The following CSMD3 variants were observed in gnomAD, a reference collection of about 807,000 sequenced individuals.
The protein encoded by CSMD3 is CUB and Sushi multiple domains 3, also known as CUB and sushi domain-containing protein 3.
A neutral mutation model predicts 435.2 loss-of-function variants in CSMD3; 177 were observed. The observed-to-expected ratio is 0.41, with a 90% CI of 0.36 to 0.46. The LOEUF is 0.46. CSMD3 is among the 20% of genes least tolerant of loss of function. CSMD3 has a pLI of 0.34. For missense variants in CSMD3, 4,265 were observed against 4,504.6 expected (o/e 0.95, Z 1.52); for synonymous variants, 1,656 against 1,520.5 (o/e 1.09, Z -2.07).
At chr8:112,514,029 C>A (rs1416908016) in intron 28 of CSMD3, among the ~76,000 whole-genome samples, 1 of 151,858 alleles carries the variant, frequency 6.6e-6, no homozygotes, top group Non-Finnish European at 1.5e-5. Flanking sequence ...ATATAAGATT[C>A]TCTAAAATGA....
chr8:113,189,490 T>C (rs775601125), intron 3 of CSMD3, among the ~76,000 whole-genome samples: 22 of 151,796 alleles, frequency 1.4e-4, no homozygotes, highest in Non-Finnish European at 2.9e-4. Context: ...TGAATTTAAG[T>C]GAGAATTAAG....
intron 53 of CSMD3, 23 bp from the exon 54 acceptor site, chr8:112,296,029 AT>A (rs778150928): frequency 1.9e-6 from 3 of 1,565,848 alleles, no homozygotes; most frequent in Admixed American, 1.7e-5. Flanking sequence ...ATAAAGTAAT[AT>A]TTTTAATACT....
intron 10 of CSMD3, among the ~76,000 whole-genome samples, chr8:112,911,169 T>C (rs1336846264): frequency 2.0e-5 from 3 of 151,918 alleles, no homozygotes; most frequent in African/African-American, 4.8e-5. Flanking sequence ...ATTACTGAAC[T>C]AGTCTTCAAA....
chr8:112,335,744 T>TTTC (rs1272624581), intron 44 of CSMD3, among the ~76,000 whole-genome samples: 86 of 151,856 alleles, frequency 5.7e-4, no homozygotes, highest in African/African-American at 2.0e-3. Flanking sequence ...TTTGTTTTTT[T>TTTC]TTTTTTTTAC....
intron 10 of CSMD3, among the ~76,000 whole-genome samples, chr8:112,860,341 T>C (rs2080791657): frequency 6.6e-6 from 1 of 152,002 alleles, no homozygotes; most frequent in East Asian, 1.9e-4. Flanking sequence ...ACAGTACTTT[T>C]AATTATCTTG....
intron 4 of CSMD3, among the ~76,000 whole-genome samples, chr8:113,145,782 G>A (rs1323300720): frequency 6.6e-6 from 1 of 151,568 alleles, no homozygotes; most frequent in Non-Finnish European, 1.5e-5. Flanking sequence ...TAATAAAGAT[G>A]TCTTTATGGA....
chr8:112,566,574 A>G (rs532881586), intron 24 of CSMD3, among the ~76,000 whole-genome samples: 7 of 152,112 alleles, frequency 4.6e-5, no homozygotes, highest in Non-Finnish European at 8.8e-5. Context: ...GCGGCCACCA[A>G]ATCATTTTCT....
intron 2 of CSMD3, among the ~76,000 whole-genome samples, chr8:113,282,031 T>C (rs1288690060): frequency 1.3e-5 from 2 of 152,012 alleles, no homozygotes; most frequent in Non-Finnish European, 2.9e-5. Flanking sequence ...GTAGGGTTTC[T>C]GCTGAGAAAT....
At chr8:113,075,819 T>C (rs2089312553) in intron 5 of CSMD3, among the ~76,000 whole-genome samples, 1 of 151,882 alleles carries the variant, frequency 6.6e-6, no homozygotes, top group East Asian at 1.9e-4. Flanking sequence ...TAAAGTATGC[T>C]ACTGTTATAA....
In CSMD3 at chr8:112,405,244, T is replaced by TAC. The variant is rs1479839646; in HGVS notation, c.5809+1279_5809+1280insGT. Among the ~76,000 whole-genome samples, 243 of 83,296 alleles carry TAC rather than the reference T, an allele frequency of 2.9e-3. 8 individuals are homozygous for TAC. The highest frequency in any genetic ancestry group is 0.012 in the African/African-American group (231 of 19,028). The allele number at this position is 83,296 out of a possible 152,430, so 54.6% of individuals were successfully genotyped here. Reference sequence around the variant, plus strand: ...ATATATATATATATATATATATATATATACATATATATATACACATATCTT... The same window carrying TAC: ...ATATATATATATATATATATATATATACATACATATATATATACACATATCTT... On this transcript the variant is annotated intron_variant, in intron 35 of 70. Transcript: ENST00000297405.
Position 113,131,485 on chromosome 8 carries a change from C to T in CSMD3, c.710-32522G>A, listed in dbSNP as rs531096912. Among the ~76,000 whole-genome samples, 17 of 152,142 alleles carry T rather than the reference C, an allele frequency of 1.1e-4. No individual in the cohort carries two copies. In the South Asian group the frequency reaches 1.5e-3, roughly 13 times the overall value. ...AAGCCCCAAGCCTTGGCAGCTTCCA[C>T]GTGGTACTGGGCCTGCAGGTGTATG... On this transcript the variant is annotated intron_variant, in intron 4 of 70. Coordinates refer to ENST00000297405, the MANE Select transcript of CSMD3 (RefSeq NM_198123.2).
At chr8:112,830,053 T>G (rs542592909) in intron 11 of CSMD3, among the ~76,000 whole-genome samples, 6 of 152,308 alleles carry the variant, frequency 3.9e-5, no homozygotes, top group African/African-American at 9.6e-5. Flanking sequence ...TTTTCTGCAT[T>G]AAATTTTCAA....
Position 112,304,725 on chromosome 8 carries a change from G to A in CSMD3, c.8262C>T (p.Cys2754=), listed in dbSNP as rs2130776520. 1 of 1,610,484 alleles carries A rather than the reference G, an allele frequency of 6.2e-7. No individual in the cohort carries two copies. ...TWSWRNERPY[C]QIISCGELPT... Reference sequence around the variant, plus strand: ...TTTAGCAGAGTGTATACTTACTTTGGCAATATGGTCTTTCATTTCTCCAAC... The same window carrying A: ...TTTAGCAGAGTGTATACTTACTTTGACAATATGGTCTTTCATTTCTCCAAC... The change falls in exon 52 of 71, where the codon TGC becomes TGT. Residue 2754 remains cysteine, a synonymous_variant. Coordinates refer to ENST00000297405, the MANE Select transcript of CSMD3 (RefSeq NM_198123.2).
intron 9 of CSMD3, among the ~76,000 whole-genome samples, chr8:112,942,258 A>G (rs2083473576): frequency 6.6e-6 from 1 of 151,384 alleles, no homozygotes; most frequent in Non-Finnish European, 1.5e-5. Context: ...AAAAACTGTC[A>G]ACGGCTGGCA....
chr8:112,736,365 A>G (rs1200672794), intron 13 of CSMD3, among the ~76,000 whole-genome samples: 1 of 152,024 alleles, frequency 6.6e-6, no homozygotes, highest in African/African-American at 2.4e-5. Context: ...AGGTTTAATC[A>G]TGCTCTGACC....
At chr8:112,402,290 T>C (rs539660460) in intron 35 of CSMD3, among the ~76,000 whole-genome samples, 2 of 152,348 alleles carry the variant, frequency 1.3e-5, no homozygotes, top group Non-Finnish European at 2.9e-5. Context: ...GATAATTTAG[T>C]ACAATTCCCA....
At chr8:112,699,321 A>G (rs1339899136) in intron 13 of CSMD3, among the ~76,000 whole-genome samples, 1 of 152,156 alleles carries the variant, frequency 6.6e-6, no homozygotes, top group Non-Finnish European at 1.5e-5. Flanking sequence ...CTGAAGGAAC[A>G]AACTCCAAAC....
intron 13 of CSMD3, among the ~76,000 whole-genome samples, chr8:112,725,414 A>G (rs1054493677): frequency 2.7e-5 from 3 of 110,038 alleles, no homozygotes; most frequent in Non-Finnish European, 2.0e-5. Flanking sequence ...GGTAGTAGAT[A>G]TGGCATATAG....
intron 13 of CSMD3, among the ~76,000 whole-genome samples, chr8:112,703,329 G>A (rs2076431034): frequency 1.3e-5 from 2 of 152,140 alleles, no homozygotes; most frequent in Non-Finnish European, 2.9e-5. Context: ...ATTAGACTGG[G>A]AGGTCAGAGG....
Sources: gnomAD v4.1 joint callset for allele counts (sites outside exome capture counted in the v4.1 genomes callset) on GRCh38, gnomAD v4.1.1 for gene constraint, MANE v1.5 for transcripts, NCBI Gene and HGNC (gene_info 2026-07-23, HGNC 2026-07-21) for gene names.